The following SRBD1 variants were observed in gnomAD, a reference collection of about 807,000 sequenced individuals.
The protein encoded by SRBD1 is S1 RNA-binding domain-containing protein 1.
SRBD1 carries 88 observed loss-of-function variants against 115.3 expected under a neutral mutation model. The observed-to-expected ratio is 0.76, with a 90% confidence interval of 0.64 to 0.91. The LOEUF (loss-of-function observed/expected upper bound fraction) is 0.91, where lower values mean the gene tolerates loss of function less well. SRBD1 is among the 40% of genes least tolerant of loss of function. The probability of loss-of-function intolerance (pLI) is 0.00; values close to 1 mark genes in which losing one functional copy is unlikely to be tolerated. For missense variants in SRBD1, 1,385 were observed against 1,177.4 expected, an observed-to-expected ratio of 1.18 and a Z score of -2.58; for synonymous variants, 509 against 407.7, an observed-to-expected ratio of 1.25 and a Z score of -2.99.
chr2:45,574,820 T>C, intron 7 of SRBD1, 97 bp from the exon 8 acceptor site: 1 of 1,058,748 alleles, frequency 9.4e-7, no homozygotes, highest in Non-Finnish European at 1.4e-6. Context: ...CCAGTCAAAA[T>C]AAAACCTTAA....
chr2:45,562,523 C>T (rs1237076498), intron 10 of SRBD1, 130 bp downstream of exon 10: 16 of 646,786 alleles, frequency 2.5e-5, no homozygotes, highest in African/African-American at 5.8e-5. Flanking sequence ...TGAGCCACCG[C>T]GCCCGGCCTG....
chr2:45,483,701 C>G lies in SRBD1; in HGVS notation c.1966+4539G>C, dbSNP rs765566069. On this transcript the variant is annotated intron_variant, in intron 15 of 20. Transcript: ENST00000263736. Reference sequence around the variant, plus strand: ...AATATTCATCTCATTTTATCCTTCTCCTTGACATCAGACAGGAACAGAGGA... The same window carrying G: ...AATATTCATCTCATTTTATCCTTCTGCTTGACATCAGACAGGAACAGAGGA... 2.6e-5 allele frequency among the ~76,000 whole-genome samples: 4 copies of G among 152,164 alleles called. No individual in the cohort carries two copies. In the East Asian group the frequency reaches 5.8e-4, roughly 22 times the overall value.
intron 16 of SRBD1, among the ~76,000 whole-genome samples, chr2:45,426,965 G>A (rs1377318579): frequency 1.3e-5 from 2 of 152,136 alleles, no homozygotes; most frequent in Admixed American, 6.5e-5. Context: ...ACAACTCCTC[G>A]CCAGCAAGGG....
intron 12 of SRBD1, among the ~76,000 whole-genome samples, chr2:45,550,316 G>A (rs1390050675): frequency 1.3e-5 from 2 of 152,060 alleles, no homozygotes; most frequent in African/African-American, 4.8e-5. Context: ...TGGAATTCAT[G>A]CAGAAAAGAA....
At chr2:45,417,464 G>GT (rs1354958198) in intron 18 of SRBD1, among the ~76,000 whole-genome samples, 1 of 152,146 alleles carries the variant, frequency 6.6e-6, no homozygotes, top group Non-Finnish European at 1.5e-5. Flanking sequence ...AAAGCAAACT[G>GT]TTTAATTTCC....
chr2:45,459,038 G>T (rs1228538926), intron 16 of SRBD1, among the ~76,000 whole-genome samples: 1 of 152,110 alleles, frequency 6.6e-6, no homozygotes. Flanking sequence ...CCGATAACCA[G>T]ATCATGCATC....
chr2:45,499,592 C>T (rs1670562914), intron 14 of SRBD1, among the ~76,000 whole-genome samples: 1 of 152,106 alleles, frequency 6.6e-6, no homozygotes, highest in Non-Finnish European at 1.5e-5. Flanking sequence ...GGCAGCATTT[C>T]CCCCAATGTT....
chr2:45,462,300 G>C (rs1280315946), intron 16 of SRBD1, among the ~76,000 whole-genome samples: 1 of 152,094 alleles, frequency 6.6e-6, no homozygotes, highest in Non-Finnish European at 1.5e-5. Context: ...AAGCCCAGAG[G>C]TTATGGCTGT....
At chr2:45,561,517 T>TAA (rs1440748766) in intron 10 of SRBD1, among the ~76,000 whole-genome samples, 1 of 152,234 alleles carries the variant, frequency 6.6e-6, no homozygotes, top group East Asian at 1.9e-4. Flanking sequence ...TCTAACTTTT[T>TAA]AAGTATCATT....
At chr2:45,438,943 G>C (rs1668580076) in intron 16 of SRBD1, among the ~76,000 whole-genome samples, 1 of 152,154 alleles carries the variant, frequency 6.6e-6, no homozygotes, top group Non-Finnish European at 1.5e-5. Context: ...TGGTCAAACT[G>C]CTGGAAAACA....
At position 45,571,157 on chromosome 2, in the gene SRBD1, G is replaced by C. The variant is rs77654700; in HGVS notation, c.1305+2050C>G. On this transcript the variant is annotated intron_variant, in intron 9 of 20. Coordinates refer to ENST00000263736, the MANE Select transcript of SRBD1 (RefSeq NM_018079.5). ...CATGCAAACAGGAAGAAAAGGCTAC[G>C]GCAGAGCTGTTAATGGCCTCACTAA... Among the ~76,000 whole-genome samples the C allele has an allele frequency of 5.9e-5, 9 of 152,172 alleles. 1 individual carries two copies. The highest frequency in any genetic ancestry group is 2.1e-4 in the South Asian group (1 of 4,830).
At chr2:45,429,211 A>T (rs541098486) in intron 16 of SRBD1, among the ~76,000 whole-genome samples, 2 of 152,318 alleles carry the variant, frequency 1.3e-5, no homozygotes, top group South Asian at 4.1e-4. Context: ...GAATTCCACC[A>T]GAGGTACAAA....
chr2:45,494,605 T>A (rs1005007913), intron 14 of SRBD1, among the ~76,000 whole-genome samples: 1 of 152,200 alleles, frequency 6.6e-6, no homozygotes, highest in Non-Finnish European at 1.5e-5. Context: ...TATAAGAAAA[T>A]ACAAATTATA....
intron 11 of SRBD1, among the ~76,000 whole-genome samples, chr2:45,551,626 T>C (rs924224805): frequency 2.6e-5 from 4 of 151,978 alleles, no homozygotes; most frequent in Non-Finnish European, 4.4e-5. Context: ...CAAACAAAAG[T>C]AGGCACAGTG....
chr2:45,507,620 C>G (rs1023765399), intron 14 of SRBD1, among the ~76,000 whole-genome samples: 1 of 151,880 alleles, frequency 6.6e-6, no homozygotes, highest in African/African-American at 2.4e-5. Context: ...ACTCAAGAGG[C>G]TGAGGCAGGA....
intron 9 of SRBD1, among the ~76,000 whole-genome samples, chr2:45,569,896 G>A (rs1468720057): frequency 6.6e-6 from 1 of 152,212 alleles, no homozygotes; most frequent in Non-Finnish European, 1.5e-5. Flanking sequence ...TCCTTCAAGT[G>A]TTAAGGCCAT....
chr2:45,571,520 A>AAAAAAAAAAAAAAAAAAC (rs1673012998), intron 9 of SRBD1, among the ~76,000 whole-genome samples: 23 of 116,992 alleles, frequency 2.0e-4, no homozygotes, highest in African/African-American at 1.1e-3. Flanking sequence ...ACTTTACCAA[A>AAAAAAAAAAAAAAAAAAC]AAAAAAAAAA....
intron 16 of SRBD1, among the ~76,000 whole-genome samples, chr2:45,455,983 C>A (rs2103757636): frequency 6.6e-6 from 1 of 151,698 alleles, no homozygotes; most frequent in East Asian, 1.9e-4. Context: ...AATAAATATA[C>A]ATAAAGTAAT....
chr2:45,541,284 A>G (rs1319254283), intron 14 of SRBD1, among the ~76,000 whole-genome samples: 3 of 152,228 alleles, frequency 2.0e-5, no homozygotes, highest in Non-Finnish European at 4.4e-5. Context: ...AGATGCCAGG[A>G]ACCAGAGAGT....
Sources: allele counts gnomAD v4.1 joint callset (sites outside exome capture counted in the v4.1 genomes callset), GRCh38; gene constraint gnomAD v4.1.1; transcripts MANE v1.5; gene names NCBI Gene and HGNC (gene_info 2026-07-23, HGNC 2026-07-21).